ATP9B: variants seen among roughly 807,000 people sequenced by gnomAD.
ATP9B encodes ATPase phospholipid transporting 9B.
Under a neutral mutation model 146.1 loss-of-function variants are expected in ATP9B, and 110 were observed. The ratio of observed to expected loss-of-function variants is 0.75; its 90% CI spans 0.65 to 0.88. ATP9B has a LOEUF of 0.88. Among genes scored for constraint, ATP9B ranks in the 40% least tolerant of loss-of-function variants. The pLI is 0.00. For missense variants in ATP9B, 1,499 were observed against 1,496.4 expected, an observed-to-expected ratio of 1.00 and a Z score of -0.03; for synonymous variants, 604 against 569.7, an observed-to-expected ratio of 1.06 and a Z score of -0.86.
intron 13 of ATP9B, among the ~76,000 whole-genome samples, chr18:79,291,609 T>A (rs2096504055): frequency 6.6e-6 from 1 of 152,226 alleles, no homozygotes; most frequent in Admixed American, 6.5e-5. Context: ...TATTGCAGTT[T>A]CTTTAACCCA....
rs564110138 is a variant in ATP9B, at chr18:79,298,925, C to A, written c.1412-4679C>A. Among the ~76,000 whole-genome samples the A allele has an allele frequency of 2.0e-3, 226 of 113,316 alleles. 22 individuals are homozygous for A. The highest frequency in any genetic ancestry group is 6.7e-3 in the African/African-American group (216 of 32,012). The allele number at this position is 113,316 out of a possible 152,430, so 74.3% of individuals were successfully genotyped here. On this transcript the variant is annotated intron_variant, in intron 13 of 29. Coordinates refer to ENST00000426216, the MANE Select transcript of ATP9B (RefSeq NM_198531.5). ...ATTCCTGTTTCTTGTTGAGGGCCAG[C>A]CTCCCTGAGCAAGGCAGTCAGCCTG...
At chr18:79,261,380 A>G (rs8082857) in intron 12 of ATP9B, among the ~76,000 whole-genome samples, 77,835 of 151,874 alleles carry the variant, frequency 0.51, 20,504 homozygotes, top group East Asian at 0.66. Context: ...GTAGGCCCTC[A>G]TTGCAGTGAA....
At chr18:79,339,456 CATG>C (rs1409868191) in intron 19 of ATP9B, among the ~76,000 whole-genome samples, 4 of 150,516 alleles carry the variant, frequency 2.7e-5, no homozygotes, top group South Asian at 2.1e-4. Context: ...GGAAGTATGT[CATG>C]ATCACAGTAG....
At chr18:79,224,556 C>T (rs1299285230) in intron 11 of ATP9B, among the ~76,000 whole-genome samples, 1 of 152,140 alleles carries the variant, frequency 6.6e-6, no homozygotes, top group Non-Finnish European at 1.5e-5. Context: ...AAATGGATTC[C>T]CTTTGTGGCT....
rs2095605853 is a variant in ATP9B at position 79,213,986 on chromosome 18, A to G, written c.1055A>G (p.Tyr352Cys). 6.2e-7 allele frequency: 1 copy of G among 1,606,714 alleles called. No individual in the cohort carries two copies. Among genetic ancestry groups the G allele is most frequent in the Admixed American group, 1.7e-5 (1 of 57,864 alleles). The stretch of plus-strand genomic sequence containing the variant: ...GGTACTGTAATAGGTGTTGTCATTT[A>G]TACCGGAAAAGAGACTCGAAGTGTA... ...ASGTVIGVVI[Y>C]TGKETRSVMN... The change falls in exon 11 of 30, where the codon TAT becomes TGT. Residue 352 changes from tyrosine to cysteine, a missense_variant. Tyr to Cys is a radical substitution (Grantham distance 194). Transcript: ENST00000426216.
intron 11 of ATP9B, 72 bp from the exon 12 acceptor site, chr18:79,253,309 C>A: frequency 7.4e-7 from 1 of 1,347,890 alleles, no homozygotes; most frequent in Non-Finnish European, 1.0e-6. Context: ...GTCATCACTA[C>A]CATGCATTCT....
chr18:79,372,798 A>G (rs1380463211), intron 26 of ATP9B, 27 bp from the exon 27 acceptor site: 3 of 1,530,640 alleles, frequency 2.0e-6, no homozygotes, highest in East Asian at 2.3e-5. Flanking sequence ...TCTGCGCACT[A>G]ACGACGCTCT....
intron 1 of ATP9B, among the ~76,000 whole-genome samples, chr18:79,080,509 G>T (rs1192925312): frequency 6.6e-6 from 1 of 152,088 alleles, no homozygotes; most frequent in African/African-American, 2.4e-5. Context: ...TTGCTAAGTT[G>T]CTTATCAGCT....
Position 79,082,942 on chromosome 18 carries a change from G to C in ATP9B, c.119+13413G>C, listed in dbSNP as rs531545746. On this transcript the variant is annotated intron_variant, in intron 1 of 29. Transcript: ENST00000426216. ...GCAGAGCTCAAGCGCTGTGCTGGGAGATACACAGCTCTCTTCAGAGGTGGC... is the reference window on the plus strand; with the variant it reads ...GCAGAGCTCAAGCGCTGTGCTGGGACATACACAGCTCTCTTCAGAGGTGGC... Among the ~76,000 whole-genome samples, 16 of 152,344 alleles carry C rather than the reference G, an allele frequency of 1.1e-4. 1 individual carries two copies. In the South Asian group the frequency reaches 3.3e-3, roughly 32 times the overall value.
At chr18:79,127,676 G>T (rs571358314) in intron 5 of ATP9B, among the ~76,000 whole-genome samples, 9 of 152,178 alleles carry the variant, frequency 5.9e-5, no homozygotes, top group South Asian at 2.1e-4. Context: ...GGACATTTGT[G>T]TACAAGCTTT....
At chr18:79,193,045 G>A (rs2095383392) in intron 8 of ATP9B, 138 bp from the exon 9 acceptor site, 1 of 672,320 alleles carries the variant, frequency 1.5e-6, no homozygotes, top group Non-Finnish European at 2.5e-6. Context: ...TTATAGTGTT[G>A]GCACACAAAA....
chr18:79,343,906 T>G, intron 20 of ATP9B: 1 of 327,404 alleles, frequency 3.1e-6, no homozygotes. Flanking sequence ...GTTAAGGGAG[T>G]GTATGTATAA....
At chr18:79,168,141 G>A (rs1360710299) in intron 7 of ATP9B, among the ~76,000 whole-genome samples, 1 of 152,200 alleles carries the variant, frequency 6.6e-6, no homozygotes, top group African/African-American at 2.4e-5. Flanking sequence ...CGCCACTGCT[G>A]CCATCACATT....
At chr18:79,255,976 G>C (rs901051703) in intron 12 of ATP9B, among the ~76,000 whole-genome samples, 8 of 152,088 alleles carry the variant, frequency 5.3e-5, no homozygotes, top group Admixed American at 6.6e-5. Flanking sequence ...GTTGCTTCCA[G>C]AGCCTCATAG....
At chr18:79,168,957 TTC>T (rs1314530305) in intron 7 of ATP9B, among the ~76,000 whole-genome samples, 1 of 152,112 alleles carries the variant, frequency 6.6e-6, no homozygotes, top group African/African-American at 2.4e-5. Flanking sequence ...GCCCCCATTG[TTC>T]TCTCTGATCT....
At chr18:79,361,804 T>C in intron 26 of ATP9B, 1 of 985,462 alleles carries the variant, frequency 1.0e-6, no homozygotes, top group Non-Finnish European at 1.2e-6. Flanking sequence ...AGCTGGAGAC[T>C]GGATGTGCCA....
At chr18:79,241,099 A>G (rs2095883709) in intron 11 of ATP9B, among the ~76,000 whole-genome samples, 1 of 152,190 alleles carries the variant, frequency 6.6e-6, no homozygotes, top group Admixed American at 6.5e-5. Flanking sequence ...AATCACTTAT[A>G]ATTTGTTAAT....
chr18:79,299,143 C>T (rs2096572990), intron 13 of ATP9B, among the ~76,000 whole-genome samples: 1 of 151,748 alleles, frequency 6.6e-6, no homozygotes, highest in Non-Finnish European at 1.5e-5. Context: ...ACCACTCTGT[C>T]CTTAGAATAA....
chr18:79,298,010 G>C (rs1365210506), intron 13 of ATP9B, among the ~76,000 whole-genome samples: 1 of 147,102 alleles, frequency 6.8e-6, no homozygotes, highest in Non-Finnish European at 1.5e-5. Flanking sequence ...CTGAGGCTGA[G>C]GCCTCACTCT....
Sources: gnomAD v4.1 joint callset for allele counts (sites outside exome capture counted in the v4.1 genomes callset) on GRCh38, gnomAD v4.1.1 for gene constraint, MANE v1.5 for transcripts, NCBI Gene and HGNC (gene_info 2026-07-23, HGNC 2026-07-21) for gene names.